The following CROCC variants were observed in gnomAD, a reference collection of about 807,000 sequenced individuals.
CROCC encodes the protein rootletin.
In CROCC, 180 loss-of-function variants were observed where a neutral mutation model predicts 245.2. The observed-to-expected ratio is 0.73, with a 90% CI of 0.65 to 0.83. CROCC has a LOEUF of 0.83. CROCC is among the 40% of genes least tolerant of loss of function. The probability of loss-of-function intolerance (pLI) is 0.00; values close to 1 mark genes in which losing one functional copy is unlikely to be tolerated. For missense variants in CROCC, 2,688 were observed against 2,779.4 expected (o/e 0.97, Z 0.74); for synonymous variants, 1,205 against 1,241.6 (o/e 0.97, Z 0.62).
chr1:16,929,932 G>A lies in CROCC; in HGVS notation c.438G>A (p.Arg146=). 6.3e-7 allele frequency: 1 copy of A among 1,588,068 alleles called. No individual in the cohort carries two copies. The part of the protein sequence containing the change: ...GLVRQSVELR[R]QLQEEQASYR... ...TACGGCAGAGCGTGGAGTTGCGGAG[G>A]CAGCTGCAGGAGGAGCAGGCCTCCT... is the stretch of plus-strand genomic sequence containing the variant. The change falls in exon 4 of 37, where the codon AGG becomes AGA. Residue 146 remains arginine, a synonymous_variant. Transcript: ENST00000375541.
intron 3 of CROCC, among the ~76,000 whole-genome samples, chr1:16,926,321 C>T (rs550399390): frequency 5.3e-4 from 80 of 152,326 alleles, no homozygotes; most frequent in African/African-American, 1.7e-3. Flanking sequence ...AAAGTAAGTC[C>T]GGGAGAGGGG....
At chr1:16,924,740 G>A (rs1398878858) in intron 3 of CROCC, among the ~76,000 whole-genome samples, 2 of 152,292 alleles carry the variant, frequency 1.3e-5, no homozygotes, top group Admixed American at 6.5e-5. Flanking sequence ...TGGCACCAGG[G>A]GTATTTTGTT....
In CROCC at chr1:16,944,167, C is replaced by T. The variant is rs755557812; in HGVS notation, c.1876C>T (p.Arg626Trp). 66 of 1,556,162 alleles carry T rather than the reference C, an allele frequency of 4.2e-5. No homozygotes were observed. The highest frequency in any genetic ancestry group is 7.1e-5 in the East Asian group (3 of 42,092). Residue 626 changes from arginine (R) to tryptophan (W), a missense_variant, in exon 14 of 37, where the codon CGG (arginine) becomes TGG (tryptophan). Coordinates refer to ENST00000375541, the MANE Select transcript of CROCC (RefSeq NM_014675.5). The stretch of plus-strand genomic sequence containing the variant: ...GCAGGCCGAGGAGCTGCGGCAGGAG[C>T]GGGAGAAGCTGCAGGCTGCCCAGGA... ...QQQAEELRQE[R>W]EKLQAAQEEL...
At chr1:16,924,884 G>C (rs565163934) in intron 3 of CROCC, among the ~76,000 whole-genome samples, 1 of 152,252 alleles carries the variant, frequency 6.6e-6, no homozygotes, top group Non-Finnish European at 1.5e-5. Context: ...ATGCTGGCTC[G>C]AGGCTGGTGT....
rs1570731869 is a variant in CROCC at position 16,972,685 on chromosome 1, T to G, written c.*239T>G. ...GATGAGCCACTGTAGATCATTAAAG[T>G]TCCTCCTTGAGAGGCTGAGCCGTAG... On this transcript the variant is annotated 3_prime_UTR_variant, in exon 37 of 37. Transcript: ENST00000375541. The G allele has an allele frequency of 1.3e-5, 5 of 373,770 alleles. No homozygotes were observed. Among genetic ancestry groups the G allele is most frequent in the South Asian group, 4.0e-5 (1 of 25,182 alleles). 23.2% of individuals were successfully genotyped at this position (373,770 alleles called of 1,614,324 possible). A position where few individuals can be genotyped will look rare whatever the true frequency, so the allele number is the denominator to read the frequency against.
Position 16,944,248 on chromosome 1 carries a change from G to A in CROCC, c.1957G>A (p.Asp653Asn), listed in dbSNP as rs6684619. 1,193 of 1,551,140 alleles carry A rather than the reference G, an allele frequency of 7.7e-4. 5 individuals carry two copies. Among genetic ancestry groups the A allele is most frequent in the Non-Finnish European group, 8.6e-4 (985 of 1,147,372 alleles). The part of the protein sequence containing the change: ...LEEEQEDAVQ[D>N]GARVRRELER... Reference sequence around the variant, plus strand: ...GGAAGAGCAGGAGGACGCAGTGCAGGATGGCGCGCGGGTGCGCCGGGAGCT... The same window carrying A: ...GGAAGAGCAGGAGGACGCAGTGCAGAATGGCGCGCGGGTGCGCCGGGAGCT... Residue 653 changes from aspartate (D) to asparagine (N), a missense_variant, in exon 14 of 37, where the codon GAT becomes AAT. By Grantham distance (23) the Asp-to-Asn change is conservative (BLOSUM62 1). This residue lies in a region of CROCC where 972 missense variants were observed against 895.3 expected (regional missense o/e 1.09). Transcript: ENST00000375541.
chr1:16,918,992 A>C (rs6690806), upstream of CROCC, among the ~76,000 whole-genome samples: 7,942 of 150,928 alleles, frequency 0.053, 60 homozygotes, highest in African/African-American at 0.085. Flanking sequence ...CTGCCTCGGC[A>C]TCCCAGTGTT....
intron 14 of CROCC, among the ~76,000 whole-genome samples, chr1:16,944,987 CT>C (rs1383529481): frequency 6.6e-6 from 1 of 152,300 alleles, no homozygotes; most frequent in Non-Finnish European, 1.5e-5. Flanking sequence ...AATCCCAGCA[CT>C]TTGAGAGGCC....
At chr1:16,951,496 T>A (rs1182483927) in intron 20 of CROCC, among the ~76,000 whole-genome samples, 2 of 152,190 alleles carry the variant, frequency 1.3e-5, no homozygotes, top group East Asian at 3.9e-4. Context: ...ACACTGACTC[T>A]GGGTTTGAAT....
At chr1:16,926,752 A>G (rs1366442059) in intron 3 of CROCC, among the ~76,000 whole-genome samples, 1 of 152,268 alleles carries the variant, frequency 6.6e-6, no homozygotes, top group Admixed American at 6.5e-5. Context: ...TTGGCTCCAG[A>G]GGACAGACCC....
chr1:16,939,512 A>T (rs1487272069), intron 12 of CROCC, among the ~76,000 whole-genome samples: 3 of 151,576 alleles, frequency 2.0e-5, no homozygotes, highest in Admixed American at 6.6e-5. Context: ...GGGGAATCAG[A>T]GCTTGGGAAC....
intron 25 of CROCC, 120 bp from the exon 26 acceptor site, chr1:16,958,463 G>C: frequency 8.1e-7 from 1 of 1,231,460 alleles, no homozygotes; most frequent in Admixed American, 2.6e-5. Context: ...GCTCCCAGTG[G>C]ATGTGGGGTG....
In CROCC at chr1:16,954,533, T is replaced by C. The variant is rs981694278; in HGVS notation, c.3321+176T>C. Among the ~76,000 whole-genome samples the C allele has an allele frequency of 6.6e-6, 1 of 152,214 alleles. No individual in the cohort carries two copies. The highest frequency in any genetic ancestry group is 2.4e-5 in the African/African-American group (1 of 41,466). On this transcript the variant is annotated intron_variant, in intron 22 of 36. Coordinates refer to ENST00000375541, the MANE Select transcript of CROCC (RefSeq NM_014675.5). The surrounding 1 kb of genome is among the most constrained non-coding windows in gnomAD (Gnocchi z 4.4). ...TGAGGGAGGTGGCTCAGCCCTGCCC[T>C]GATGAATCCTTTTGGCGTGAGGGAG...
At chr1:16,933,533 T>C (rs1405335487) in intron 8 of CROCC, among the ~76,000 whole-genome samples, 2 of 152,268 alleles carry the variant, frequency 1.3e-5, no homozygotes, top group South Asian at 2.1e-4. Flanking sequence ...TCTCGATCCA[T>C]AGACATTTAC....
intron 24 of CROCC, 130 bp downstream of exon 24, chr1:16,955,680 C>A: frequency 1.1e-6 from 1 of 909,000 alleles, no homozygotes; most frequent in Non-Finnish European, 1.6e-6. Context: ...AGCCTGGCAC[C>A]TGGGTGATTT....
At chr1:16,924,736 CA>C (rs35145252) in intron 3 of CROCC, among the ~76,000 whole-genome samples, 3,105 of 151,348 alleles carry the variant, frequency 0.021, no homozygotes, top group African/African-American at 0.072. Flanking sequence ...TGCCTGGCAC[CA>C]GGGGTATTTT....
At chr1:16,922,142 T>C (rs1340737103) in intron 1 of CROCC, 64 bp downstream of exon 1, 1 of 1,412,178 alleles carries the variant, frequency 7.1e-7, no homozygotes, top group Non-Finnish European at 9.6e-7. Context: ...ACAGGAGTGG[T>C]GAGAGGTGTG....
rs1282220222 is a variant in CROCC at position 16,948,402 on chromosome 1, G to A, written c.2586G>A (p.Glu862=). Residue 862 remains glutamate (E), a synonymous_variant, in exon 18 of 37, where the codon GAG becomes GAA. Coordinates refer to ENST00000375541, the MANE Select transcript of CROCC (RefSeq NM_014675.5). The part of the protein sequence containing the change: ...QARREAQRQV[E]ALERAAREKE... ...GGCGGGAGGCCCAGCGGCAAGTGGAGGCGCTGGAGCGAGCGGCCCGTGAGA... is the reference window on the plus strand; with the variant it reads ...GGCGGGAGGCCCAGCGGCAAGTGGAAGCGCTGGAGCGAGCGGCCCGTGAGA... 1 of 1,576,856 alleles carries A rather than the reference G, an allele frequency of 6.3e-7. No individual in the cohort carries two copies. Among genetic ancestry groups the A allele is most frequent in the South Asian group, 1.2e-5 (1 of 86,868 alleles).
At chr1:16,919,340 A>G (rs1217971325), upstream of CROCC, among the ~76,000 whole-genome samples, 1 of 152,290 alleles carries the variant, frequency 6.6e-6, no homozygotes, top group Non-Finnish European at 1.5e-5. Flanking sequence ...TGTCGCCTTG[A>G]ATAGGTGAGA....
Sources: gnomAD v4.1 joint callset for allele counts (sites outside exome capture counted in the v4.1 genomes callset) on GRCh38, gnomAD v4.1.1 for gene constraint, gnomAD v4.1.1 regional missense constraint, Gnocchi (gnomAD v3.1) non-coding constraint, MANE v1.5 for transcripts, NCBI Gene and HGNC (gene_info 2026-07-23, HGNC 2026-07-21) for gene names.